The following PTPRG variants were observed in gnomAD, a reference collection of about 807,000 sequenced individuals.
PTPRG encodes receptor-type tyrosine-protein phosphatase gamma.
A neutral mutation model predicts 165.3 loss-of-function variants in PTPRG; 102 were observed. That is an observed-to-expected ratio of 0.62 (90% CI 0.53 to 0.73). The LOEUF is 0.73. Ranked by LOEUF, PTPRG falls within the 30% of genes least tolerant of loss-of-function variation. The probability of loss-of-function intolerance (pLI) is 0.00; values close to 1 mark genes in which losing one functional copy is unlikely to be tolerated. For synonymous variants in PTPRG, 675 were observed against 669.5 expected, an observed-to-expected ratio of 1.01 and a Z score of -0.13; for missense variants, 1,866 against 1,861.4, an observed-to-expected ratio of 1.00 and a Z score of -0.05.
At chr3:61,726,581 A>G (rs1465420791) in intron 1 of PTPRG, among the ~76,000 whole-genome samples, 1 of 152,220 alleles carries the variant, frequency 6.6e-6, no homozygotes, top group Admixed American at 6.5e-5. Context: ...TCCATTAAAC[A>G]CTGCTGATAG....
intron 2 of PTPRG, among the ~76,000 whole-genome samples, chr3:61,864,104 A>G (rs2037343011): frequency 6.6e-6 from 1 of 152,128 alleles, no homozygotes; most frequent in Non-Finnish European, 1.5e-5. Flanking sequence ...GGGGAGAGTA[A>G]AAATACCTTA....
At chr3:61,880,691 G>C (rs1029626909) in intron 2 of PTPRG, among the ~76,000 whole-genome samples, 3 of 151,448 alleles carry the variant, frequency 2.0e-5, no homozygotes, top group South Asian at 2.1e-4. Context: ...CATTTAATGC[G>C]AAGAAGAGCT....
At chr3:61,820,607 T>TG (rs1233637824) in intron 2 of PTPRG, among the ~76,000 whole-genome samples, 2 of 140,086 alleles carry the variant, frequency 1.4e-5, no homozygotes, top group African/African-American at 5.8e-5. Context: ...GTCTCTGTTT[T>TG]TTTTTTTTTT....
At chr3:62,140,362 T>G (rs1703876885) in intron 6 of PTPRG, among the ~76,000 whole-genome samples, 1 of 152,164 alleles carries the variant, frequency 6.6e-6, no homozygotes, top group Non-Finnish European at 1.5e-5. Context: ...AGCCTAAATG[T>G]CCATCAGTGG....
intron 2 of PTPRG, among the ~76,000 whole-genome samples, chr3:61,887,588 T>A (rs776393806): frequency 1.3e-5 from 2 of 152,194 alleles, no homozygotes; most frequent in Non-Finnish European, 2.9e-5. Flanking sequence ...TGTGAGCTGC[T>A]ATTTAACCTT....
chr3:62,129,406 A>T (rs552104521), intron 5 of PTPRG, among the ~76,000 whole-genome samples: 61 of 152,290 alleles, frequency 4.0e-4, no homozygotes, highest in African/African-American at 1.4e-3. Flanking sequence ...AGAATGCCAC[A>T]CTGGGTAATT....
chr3:61,626,831 C>G (rs1007337170), intron 1 of PTPRG, among the ~76,000 whole-genome samples: 6 of 152,164 alleles, frequency 3.9e-5, no homozygotes, highest in Non-Finnish European at 7.3e-5. Flanking sequence ...AGGATATATT[C>G]TTAGAAAAAG....
At chr3:62,112,198 A>G (rs1039342224) in intron 5 of PTPRG, among the ~76,000 whole-genome samples, 3 of 151,902 alleles carry the variant, frequency 2.0e-5, no homozygotes, top group Non-Finnish European at 4.4e-5. Flanking sequence ...TCTGCCTCCC[A>G]GATTCAAGTG....
In PTPRG at chr3:62,203,154, G is replaced by T; in HGVS notation, c.1378-19G>T. The T allele has an allele frequency of 6.4e-7, 1 of 1,551,036 alleles. No individual in the cohort carries two copies. Among genetic ancestry groups the T allele is most frequent in the Non-Finnish European group, 8.7e-7 (1 of 1,146,688 alleles). On this transcript the variant is annotated intron_variant, in intron 11 of 29. Coordinates refer to ENST00000474889, the MANE Select transcript of PTPRG (RefSeq NM_002841.4). This position sits in a 1 kb window ranked among gnomAD's most constrained non-coding sequence, Gnocchi z 6.4. ...CTTCTTCTGCCTCTTTTCCACCCTT[G>T]CCGGGTGACCCTTTCCAGCCCACAG...
intron 2 of PTPRG, among the ~76,000 whole-genome samples, chr3:61,786,320 A>T (rs2034700360): frequency 6.6e-6 from 1 of 152,200 alleles, no homozygotes. Context: ...AGTAAAGGAC[A>T]TAGATTGTGG....
intron 2 of PTPRG, among the ~76,000 whole-genome samples, chr3:61,902,534 G>A (rs1156376207): frequency 6.6e-6 from 1 of 152,094 alleles, no homozygotes; most frequent in East Asian, 1.9e-4. Flanking sequence ...ATTAAACTGT[G>A]CTATATTGCT....
chr3:61,931,553 A>G (rs916625151), intron 2 of PTPRG, among the ~76,000 whole-genome samples: 1 of 152,154 alleles, frequency 6.6e-6, no homozygotes, highest in African/African-American at 2.4e-5. Flanking sequence ...CCCGGGCCCA[A>G]ATGGGTTACT....
At chr3:61,966,154 G>T (rs747668012) in intron 2 of PTPRG, among the ~76,000 whole-genome samples, 6 of 152,178 alleles carry the variant, frequency 3.9e-5, no homozygotes, top group Non-Finnish European at 5.9e-5. Flanking sequence ...ACATTTACAT[G>T]TGATATTTGG....
At chr3:62,133,122 C>T (rs949944903) in intron 6 of PTPRG, among the ~76,000 whole-genome samples, 2 of 152,146 alleles carry the variant, frequency 1.3e-5, no homozygotes, top group African/African-American at 4.8e-5. Flanking sequence ...TGGAAAAGGC[C>T]AGGCTGCTGT....
intron 2 of PTPRG, among the ~76,000 whole-genome samples, chr3:61,942,898 A>G (rs1479760581): frequency 6.6e-6 from 1 of 152,220 alleles, no homozygotes; most frequent in East Asian, 1.9e-4. Context: ...TTAAATAGAC[A>G]TCTCAGTCTT....
intron 5 of PTPRG, among the ~76,000 whole-genome samples, chr3:62,110,787 C>T (rs570007595): frequency 6.6e-6 from 1 of 152,298 alleles, no homozygotes; most frequent in African/African-American, 2.4e-5. Context: ...TCTCTGCATA[C>T]ACAATACTTG....
chr3:62,138,830 G>A (rs1006562453), intron 6 of PTPRG, among the ~76,000 whole-genome samples: 1 of 151,942 alleles, frequency 6.6e-6, no homozygotes, highest in Non-Finnish European at 1.5e-5. Context: ...GTTAAGAGGT[G>A]TGTGTTTTTT....
rs1404803087 is a variant in PTPRG, at chr3:62,217,635, T to C, written c.2156-1216T>C. Reference sequence around the variant, plus strand: ...AAGTCAGCCTGCAGCCAATGTTAGATTTTTTTAAGGGGCTTCTCCCTGTGA... The same window carrying C: ...AAGTCAGCCTGCAGCCAATGTTAGACTTTTTTAAGGGGCTTCTCCCTGTGA... On this transcript the variant is annotated intron_variant, in intron 12 of 29. Transcript: ENST00000474889. The surrounding 1 kb of genome is among the most constrained non-coding windows in gnomAD (Gnocchi z 4.3). 6.6e-6 allele frequency: 1 copy of C among 152,224 alleles called. No individual in the cohort carries two copies. Among genetic ancestry groups the C allele is most frequent in the East Asian group, 1.9e-4 (1 of 5,188 alleles). 9.4% of individuals were successfully genotyped at this position (152,224 alleles called of 1,614,324 possible).
chr3:62,029,349 T>C (rs951340561), intron 4 of PTPRG, among the ~76,000 whole-genome samples: 20 of 152,190 alleles, frequency 1.3e-4, no homozygotes, highest in Non-Finnish European at 1.5e-4. Context: ...GCTTCAAATG[T>C]GCGTCCCAGA....
Sources: allele counts gnomAD v4.1 joint callset (sites outside exome capture counted in the v4.1 genomes callset), GRCh38; gene constraint gnomAD v4.1.1; non-coding constraint Gnocchi (gnomAD v3.1); transcripts MANE v1.5; gene names NCBI Gene and HGNC (gene_info 2026-07-23, HGNC 2026-07-21).